TMEM87A: variants seen among roughly 807,000 people sequenced by gnomAD.
The protein encoded by TMEM87A is transmembrane protein 87A.
In TMEM87A, 50 loss-of-function variants were observed where a neutral mutation model predicts 90.0. The observed-to-expected ratio is 0.56, with a 90% CI of 0.44 to 0.70. The LOEUF (loss-of-function observed/expected upper bound fraction) is 0.70. Ranked by LOEUF, TMEM87A falls within the 30% of genes least tolerant of loss-of-function variation. TMEM87A has a pLI of 0.00. For missense variants in TMEM87A, 577 were observed against 660.5 expected (o/e 0.87, Z 1.39); for synonymous variants, 226 against 226.7 (o/e 1.00, Z 0.03).
At chr15:42,256,715 AT>A (rs974635378) in intron 6 of TMEM87A, among the ~76,000 whole-genome samples, 1 of 151,952 alleles carries the variant, frequency 6.6e-6, no homozygotes, top group Non-Finnish European at 1.5e-5. Context: ...CTCAACAATA[AT>A]TTTTTTGCTG....
intron 15 of TMEM87A, among the ~76,000 whole-genome samples, chr15:42,221,293 G>C (rs1006051603): frequency 6.8e-6 from 1 of 147,110 alleles, no homozygotes; most frequent in African/African-American, 2.5e-5. Flanking sequence ...GAGAGAGAGA[G>C]AGACAGAGAG....
In TMEM87A at chr15:42,268,035, A is replaced by G. The variant is rs747764153; in HGVS notation, c.206-3T>C. ...CAGGTCACAAGGTTCTCCATCAACT[A>G]CAAAAGAAGAAATCTTTGTTAACAA... On this transcript the variant is annotated splice_region_variant and splice_polypyrimidine_tract_variant and intron_variant, in intron 2 of 19. Coordinates refer to ENST00000389834, the MANE Select transcript of TMEM87A (RefSeq NM_015497.5). 3 of 1,610,648 alleles carry G rather than the reference A, an allele frequency of 1.9e-6. No individual in the cohort carries two copies. The highest frequency in any genetic ancestry group is 1.7e-6 in the Non-Finnish European group (2 of 1,177,816).
At position 42,273,405 on chromosome 15, in the gene TMEM87A, A is replaced by G. The variant is rs778038926; in HGVS notation, c.-7T>C. 5.0e-6 allele frequency: 8 copies of G among 1,613,784 alleles called. No homozygotes were observed. In the Admixed American group the frequency reaches 1.2e-4, roughly 24 times the overall value. The stretch of plus-strand genomic sequence containing the variant: ...GCCACGCAGCCGCCGCCATCTTCAC[A>G]GCCGTGGAGTGCCTACCGAAAGCAT... On this transcript the variant is annotated 5_prime_UTR_variant, in exon 1 of 20. Coordinates refer to ENST00000389834, the MANE Select transcript of TMEM87A (RefSeq NM_015497.5).
intron 6 of TMEM87A, among the ~76,000 whole-genome samples, chr15:42,256,628 G>A (rs1159163518): frequency 6.6e-6 from 1 of 152,214 alleles, no homozygotes; most frequent in Non-Finnish European, 1.5e-5. Flanking sequence ...GCCTTGAGTA[G>A]AACTCAAAGT....
At chr15:42,253,498 T>C (rs2051122488) in intron 6 of TMEM87A, among the ~76,000 whole-genome samples, 1 of 152,058 alleles carries the variant, frequency 6.6e-6, no homozygotes. Context: ...CACTCTAAGT[T>C]GGGGAAAACA....
At chr15:42,223,557 T>C (rs1255253680) in intron 15 of TMEM87A, among the ~76,000 whole-genome samples, 5 of 152,166 alleles carry the variant, frequency 3.3e-5, no homozygotes, top group African/African-American at 9.7e-5. Context: ...CATGAATGAA[T>C]TAATGCTGTT....
At chr15:42,266,325 G>A (rs979949949) in intron 3 of TMEM87A, among the ~76,000 whole-genome samples, 2 of 152,062 alleles carry the variant, frequency 1.3e-5, no homozygotes, top group Non-Finnish European at 2.9e-5. Context: ...AGACCAGCCT[G>A]GCCAACATGG....
chr15:42,272,305 G>A (rs1215301936), intron 1 of TMEM87A, among the ~76,000 whole-genome samples, 182 bp from the exon 2 acceptor site: 2 of 152,084 alleles, frequency 1.3e-5, no homozygotes, highest in Non-Finnish European at 2.9e-5. Context: ...TTTTTCTAAT[G>A]AACTATTCTG....
chr15:42,212,966 C>T (rs2050318735), intron 19 of TMEM87A, among the ~76,000 whole-genome samples: 1 of 152,252 alleles, frequency 6.6e-6, no homozygotes, highest in Admixed American at 6.5e-5. Context: ...TACAGACACA[C>T]TGATTCAATA....
chr15:42,240,111 C>T lies in TMEM87A; in HGVS notation c.623-380G>A, dbSNP rs552214254. Among the ~76,000 whole-genome samples, 5 of 152,302 alleles carry T rather than the reference C, an allele frequency of 3.3e-5. No individual in the cohort carries two copies. The South Asian group carries it at 1.0e-3, about 32-fold the overall frequency. ...CATACTTCATATATACTTTTCCTTA[C>T]AACACATCAGTAAAATATGCCTTAC... On this transcript the variant is annotated intron_variant, in intron 7 of 19. Coordinates refer to ENST00000389834, the MANE Select transcript of TMEM87A (RefSeq NM_015497.5).
chr15:42,258,197 TGAC>T lies in TMEM87A; in HGVS notation c.504+2758_504+2760del, dbSNP rs1450356053. On this transcript the variant is annotated intron_variant, in intron 6 of 19. Coordinates refer to ENST00000389834, the MANE Select transcript of TMEM87A (RefSeq NM_015497.5). ...CGATGCAATACAATATTTACCAAAC[TGAC>T]GACATGTCCATGTTATATTGCTAAG... 22 of 965,310 alleles carry T rather than the reference TGAC, an allele frequency of 2.3e-5. No individual in the cohort carries two copies. The East Asian group carries it at 2.1e-3, about 90-fold the overall frequency. The allele number at this position is 965,310 out of a possible 1,614,324, so 59.8% of individuals were successfully genotyped here. A position where few individuals can be genotyped will look rare whatever the true frequency, so the allele number is the denominator to read the frequency against.
chr15:42,263,648 T>C (rs2051340067), intron 4 of TMEM87A, among the ~76,000 whole-genome samples: 1 of 152,112 alleles, frequency 6.6e-6, no homozygotes. Context: ...CTTGGGAGGC[T>C]GAGGTGAAAG....
In TMEM87A at chr15:42,258,372, G is replaced by A. The variant is rs372034310; in HGVS notation, c.504+2586C>T. On this transcript the variant is annotated intron_variant, in intron 6 of 19. Coordinates refer to ENST00000389834, the MANE Select transcript of TMEM87A (RefSeq NM_015497.5). ...TTTCTTCTTTTCATTTATGTATATC[G>A]TCTCCATTTTCACAGTGAATATATA... 23 of 657,362 alleles carry A rather than the reference G, an allele frequency of 3.5e-5. No individual in the cohort carries two copies. In the Admixed American group the frequency reaches 6.3e-4, roughly 18 times the overall value. The allele number at this position is 657,362 out of a possible 1,614,324, so 40.7% of individuals were successfully genotyped here.
intron 19 of TMEM87A, among the ~76,000 whole-genome samples, chr15:42,213,990 A>G (rs966011232): frequency 5.9e-5 from 9 of 152,254 alleles, no homozygotes; most frequent in African/African-American, 2.2e-4. Context: ...ATGCATGAAC[A>G]AAGTAAGAAT....
At chr15:42,271,984 T>G in intron 2 of TMEM87A, 79 bp downstream of exon 2, 2 of 1,187,950 alleles carry the variant, frequency 1.7e-6, no homozygotes, top group Non-Finnish European at 2.4e-6. Context: ...ATTTCAGAAC[T>G]TATAAAATAG....
chr15:42,246,188 T>C (rs2050968397), intron 6 of TMEM87A, among the ~76,000 whole-genome samples: 1 of 152,218 alleles, frequency 6.6e-6, no homozygotes. Context: ...TTCATCTATA[T>C]TGCTGTATGT....
intron 11 of TMEM87A, among the ~76,000 whole-genome samples, chr15:42,232,254 G>T (rs777302780): frequency 1.7e-4 from 26 of 152,014 alleles, no homozygotes; most frequent in Non-Finnish European, 2.9e-4. Context: ...TAAGGAAGAG[G>T]TATCACTCTG....
rs116844280 is a variant in TMEM87A, at chr15:42,237,541, T to C, written c.759A>G (p.Arg253=). Residue 253 remains arginine, a synonymous_variant, in exon 9 of 20, where the codon AGA becomes AGG. Transcript: ENST00000389834. ...TCCAAAACTGAATTCTCAGGAGATCTCTCCAGTAGCAGGCAGACCATGCCA... is the reference window on the plus strand; with the variant it reads ...TCCAAAACTGAATTCTCAGGAGATCCCTCCAGTAGCAGGCAGACCATGCCA... ...LWLAWSACYW[R]DLLRIQFWIG... is the part of the protein sequence containing the mutation. The C allele has an allele frequency of 3.0e-4, 485 of 1,614,042 alleles. No homozygotes were observed. The East Asian group carries it at 8.9e-3, about 30-fold the overall frequency.
chr15:42,247,520 C>G (rs1188402679), intron 6 of TMEM87A, among the ~76,000 whole-genome samples: 2 of 152,142 alleles, frequency 1.3e-5, no homozygotes, highest in Non-Finnish European at 2.9e-5. Context: ...GCCAGTTTTC[C>G]CAGCACCATT....
Sources: gnomAD v4.1 joint callset for allele counts (sites outside exome capture counted in the v4.1 genomes callset) on GRCh38, gnomAD v4.1.1 for gene constraint, MANE v1.5 for transcripts, NCBI Gene and HGNC (gene_info 2026-07-23, HGNC 2026-07-21) for gene names.